DAP3: variants seen among roughly 807,000 people sequenced by gnomAD.
The protein encoded by DAP3 is death associated protein 3.
DAP3 carries 28 observed loss-of-function variants against 51.9 expected under a neutral mutation model. The ratio of observed to expected loss-of-function variants is 0.54; its 90% CI spans 0.40 to 0.74. The LOEUF (loss-of-function observed/expected upper bound fraction) is 0.74. DAP3 is among the 30% of genes least tolerant of loss of function. The probability of loss-of-function intolerance (pLI) is 0.00; values close to 1 mark genes in which losing one functional copy is unlikely to be tolerated. For synonymous variants in DAP3, 170 were observed against 170.3 expected (o/e 1.00, Z 0.01); for missense variants, 458 against 483.5 (o/e 0.95, Z 0.49).
intron 12 of DAP3, among the ~76,000 whole-genome samples, chr1:155,737,441 C>T (rs1659921448): frequency 6.6e-6 from 1 of 152,150 alleles, no homozygotes; most frequent in African/African-American, 2.4e-5. Context: ...AGGGCTACTC[C>T]AGCACCTAAG....
chr1:155,729,022 T>G lies in DAP3; in HGVS notation c.604-20T>G, dbSNP rs771532009. ...CAAGTAGCCTTTTTTTTGGTTTTTA[T>G]TTTCTTTGCTTGCTTTTAGATAAAA... On this transcript the variant is annotated intron_variant, in intron 7 of 12. Coordinates refer to ENST00000368336, the MANE Select transcript of DAP3 (RefSeq NM_004632.4). 1 of 1,610,134 alleles carries G rather than the reference T, an allele frequency of 6.2e-7. No homozygotes were observed. The highest frequency in any genetic ancestry group is 1.3e-5 in the African/African-American group (1 of 74,444).
At chr1:155,727,042 T>A (rs1332086521) in intron 6 of DAP3, 1 of 152,460 alleles carries the variant, frequency 6.6e-6, no homozygotes, top group Non-Finnish European at 1.5e-5. Flanking sequence ...TTTTGTTTTG[T>A]TTTGTTTTTG....
intron 3 of DAP3, among the ~76,000 whole-genome samples, chr1:155,718,092 T>C (rs1485303319): frequency 4.6e-5 from 7 of 152,120 alleles, no homozygotes; most frequent in Non-Finnish European, 1.0e-4. Context: ...TTTAAATATA[T>C]CTCTAGGCTT....
In DAP3 at chr1:155,731,978, C is replaced by G. The variant is rs1659282291; in HGVS notation, c.938C>G (p.Thr313Ser). The change falls in exon 11 of 13, where the codon ACT (threonine) becomes AGT (serine). Residue 313 changes from threonine to serine, a missense_variant. Coordinates refer to ENST00000368336, the MANE Select transcript of DAP3 (RefSeq NM_004632.4). ...GCCATTGTGTCGGCTTTGAGCCAGA[C>G]TGGGTCTCTCTTTAAGCCCCGGAAA... is the stretch of plus-strand genomic sequence containing the variant. ...GGAIVSALSQTGSLFKPRKAY... is the reference protein window; with the variant it reads ...GGAIVSALSQSGSLFKPRKAY... 3.7e-6 allele frequency: 6 copies of G among 1,612,362 alleles called. No homozygotes were observed. The highest frequency in any genetic ancestry group is 1.7e-4 in the Middle Eastern group (1 of 6,060).
chr1:155,719,395 C>T (rs1157771271), intron 3 of DAP3, among the ~76,000 whole-genome samples: 1 of 151,624 alleles, frequency 6.6e-6, no homozygotes, highest in Non-Finnish European at 1.5e-5. Context: ...ACCACCATGC[C>T]TGGCTAAGTT....
At chr1:155,710,251 A>G (rs1412283399) in intron 2 of DAP3, 8 of 146,472 alleles carry the variant, frequency 5.5e-5, no homozygotes, top group Non-Finnish European at 1.0e-4. Context: ...TTTTTTTGAG[A>G]CAGAGTCTCG....
At chr1:155,694,877 A>G (rs1278765378) in intron 1 of DAP3, among the ~76,000 whole-genome samples, 1 of 152,170 alleles carries the variant, frequency 6.6e-6, no homozygotes, top group Admixed American at 6.5e-5. Context: ...CAGCTGCTAT[A>G]GTAACCTGAT....
chr1:155,699,962 G>C (rs773649619), intron 1 of DAP3, among the ~76,000 whole-genome samples: 1 of 151,812 alleles, frequency 6.6e-6, no homozygotes, highest in African/African-American at 2.4e-5. Context: ...TTTTGAGATG[G>C]AGTCTCGCTC....
chr1:155,694,926 A>G (rs1654323792), intron 1 of DAP3, among the ~76,000 whole-genome samples: 1 of 152,204 alleles, frequency 6.6e-6, no homozygotes, highest in Non-Finnish European at 1.5e-5. Context: ...AACAAGAGCC[A>G]ATTGTAACTG....
intron 12 of DAP3, 38 bp downstream of exon 12, chr1:155,737,101 T>A (rs762355201): frequency 1.4e-6 from 2 of 1,441,044 alleles, no homozygotes; most frequent in Non-Finnish European, 9.8e-7. Context: ...GGCTTTGTGA[T>A]CACAGTAGAA....
chr1:155,691,163 T>G, intron 1 of DAP3, among the ~76,000 whole-genome samples: 1 of 141,952 alleles, frequency 7.0e-6, no homozygotes, highest in East Asian at 1.9e-4. Context: ...TGCCTCAGCC[T>G]CCCAAAGTGC....
intron 2 of DAP3, among the ~76,000 whole-genome samples, chr1:155,714,057 G>A (rs348200): frequency 0.036 from 5,421 of 152,236 alleles, 339 homozygotes; most frequent in African/African-American, 0.12. Context: ...AATGGGGAGA[G>A]AGGGAAGTTG....
chr1:155,688,119 G>C (rs1652813210), upstream of DAP3: 5 of 1,611,508 alleles, frequency 3.1e-6, no homozygotes, highest in Non-Finnish European at 4.2e-6. Context: ...GAGGAAGAGG[G>C]GGTGGCCGCC....
chr1:155,699,763 AC>A (rs749507992), intron 1 of DAP3, among the ~76,000 whole-genome samples: 5 of 151,994 alleles, frequency 3.3e-5, no homozygotes, highest in Admixed American at 6.6e-5. Flanking sequence ...ACAGGCTCAC[AC>A]CACCACACCT....
intron 2 of DAP3, among the ~76,000 whole-genome samples, chr1:155,714,571 C>T (rs1339461269): frequency 1.3e-5 from 2 of 151,962 alleles, no homozygotes; most frequent in Admixed American, 1.3e-4. Context: ...TCCAGACCAG[C>T]ATGACCAACA....
In DAP3 at chr1:155,738,842, T is replaced by C. The variant is rs1660044526; in HGVS notation, c.*600T>C. The C allele has an allele frequency of 6.6e-6, 1 of 151,846 alleles. No homozygotes were observed. Among genetic ancestry groups the C allele is most frequent in the African/African-American group, 2.4e-5 (1 of 41,350 alleles). The allele number at this position is 151,846 out of a possible 1,614,324, so 9.4% of individuals were successfully genotyped here. A position where few individuals can be genotyped will look rare whatever the true frequency, so the allele number is the denominator to read the frequency against. On this transcript the variant is annotated 3_prime_UTR_variant, in exon 13 of 13. Coordinates refer to ENST00000368336, the MANE Select transcript of DAP3 (RefSeq NM_004632.4). ...CAAAAATTAGCCGGGCACGGTGGCATGCGCCTGTAATCCAAGCTACTTGGG... is the reference window on the plus strand; with the variant it reads ...CAAAAATTAGCCGGGCACGGTGGCACGCGCCTGTAATCCAAGCTACTTGGG...
intron 4 of DAP3, among the ~76,000 whole-genome samples, chr1:155,722,758 A>G (rs1035696413): frequency 5.9e-5 from 9 of 152,224 alleles, no homozygotes; most frequent in African/African-American, 2.2e-4. Context: ...CGATAGTGCC[A>G]CGGCACTCCA....
chr1:155,717,163 G>T (rs753473911), intron 3 of DAP3, 35 bp downstream of exon 3: 1 of 1,596,632 alleles, frequency 6.3e-7, no homozygotes, highest in South Asian at 1.1e-5. Flanking sequence ...GTTTCTCAGG[G>T]CTTATGATTT....
At chr1:155,728,730 C>A (rs1448136590) in intron 7 of DAP3, among the ~76,000 whole-genome samples, 1 of 152,008 alleles carries the variant, frequency 6.6e-6, no homozygotes, top group Non-Finnish European at 1.5e-5. Context: ...CGTGGTGACA[C>A]ACGCCTGAAA....
Sources: allele counts gnomAD v4.1 joint callset (sites outside exome capture counted in the v4.1 genomes callset), GRCh38; gene constraint gnomAD v4.1.1; transcripts MANE v1.5; gene names NCBI Gene and HGNC (gene_info 2026-07-23, HGNC 2026-07-21).